Variants in JMJD1C observed in about 807,000 individuals in gnomAD.
The protein encoded by JMJD1C is jumonji domain containing 1C.
Under a neutral mutation model 245.3 loss-of-function variants are expected in JMJD1C, and 31 were observed. The ratio of observed to expected loss-of-function variants is 0.13; its 90% CI spans 0.09 to 0.17. JMJD1C has a LOEUF of 0.17. Ranked by LOEUF, JMJD1C falls within the 10% of genes least tolerant of loss-of-function variation. The pLI, the probability that JMJD1C is intolerant of heterozygous loss-of-function variation, is 1.00. For synonymous variants in JMJD1C, 1,057 were observed against 1,017.4 expected (o/e 1.04, Z -0.74); for missense variants, 2,691 against 3,000.2 (o/e 0.90, Z 2.41).
At chr10:63,235,841 CTAGGT>C (rs1249242531) in intron 3 of JMJD1C, among the ~76,000 whole-genome samples, 1 of 152,126 alleles carries the variant, frequency 6.6e-6, no homozygotes, top group African/African-American at 2.4e-5. Context: ...ATGCTCTCTG[CTAGGT>C]TTTCAATAAC....
chr10:63,280,675 T>C (rs958165503), intron 2 of JMJD1C, among the ~76,000 whole-genome samples: 1 of 152,236 alleles, frequency 6.6e-6, no homozygotes, highest in African/African-American at 2.4e-5. Context: ...TTTAATATTA[T>C]CTTGTTCAAT....
At chr10:63,440,365 T>TAGAG (rs56364516) in intron 1 of JMJD1C, among the ~76,000 whole-genome samples, 4,017 of 138,170 alleles carry the variant, frequency 0.029, 91 homozygotes, top group Non-Finnish European at 0.04. Flanking sequence ...TATATATATA[T>TAGAG]AGAGAGAGAG....
At chr10:63,479,868 A>G (rs145000963) in intron 1 of JMJD1C, among the ~76,000 whole-genome samples, 550 of 152,304 alleles carry the variant, frequency 3.6e-3, no homozygotes, top group Non-Finnish European at 5.9e-3. Context: ...GACATATGAG[A>G]CCCAGATTTC....
chr10:63,228,893 A>G (rs1370383666), intron 3 of JMJD1C, among the ~76,000 whole-genome samples: 1 of 152,190 alleles, frequency 6.6e-6, no homozygotes, highest in Non-Finnish European at 1.5e-5. Context: ...AAATATAACA[A>G]TATACTTGAT....
At chr10:63,451,002 G>C (rs1272437722) in intron 1 of JMJD1C, among the ~76,000 whole-genome samples, 3 of 150,084 alleles carry the variant, frequency 2.0e-5, no homozygotes. Flanking sequence ...AATCAGTTGT[G>C]TTTCTATAAA....
intron 3 of JMJD1C, among the ~76,000 whole-genome samples, chr10:63,249,943 A>C (rs761006110): frequency 2.6e-5 from 4 of 152,164 alleles, no homozygotes; most frequent in Non-Finnish European, 5.9e-5. Context: ...GATCTTTAGA[A>C]ATTATATAAA....
intron 3 of JMJD1C, among the ~76,000 whole-genome samples, chr10:63,251,679 T>C (rs907838096): frequency 6.6e-6 from 1 of 152,210 alleles, no homozygotes; most frequent in Non-Finnish European, 1.5e-5. Context: ...ATATTTAGGA[T>C]GCTGAAAGCA....
chr10:63,237,773 A>G (rs1850917988), intron 3 of JMJD1C, among the ~76,000 whole-genome samples: 1 of 152,140 alleles, frequency 6.6e-6, no homozygotes, highest in South Asian at 2.1e-4. Context: ...TGCTCCAATG[A>G]GCACTTCCTT....
chr10:63,252,962 T>A (rs1050107657), intron 3 of JMJD1C, among the ~76,000 whole-genome samples: 20 of 152,226 alleles, frequency 1.3e-4, no homozygotes, highest in African/African-American at 4.1e-4. Flanking sequence ...GATCTTCTTT[T>A]TCCTCGAATC....
chr10:63,511,956 TC>T (rs759336320), intron 1 of JMJD1C, among the ~76,000 whole-genome samples: 2 of 152,128 alleles, frequency 1.3e-5, no homozygotes, highest in Non-Finnish European at 2.9e-5. Context: ...CTCAGCGGTT[TC>T]CCTGGAGTTT....
At chr10:63,426,368 A>T (rs908585912) in intron 1 of JMJD1C, among the ~76,000 whole-genome samples, 7 of 152,082 alleles carry the variant, frequency 4.6e-5, no homozygotes, top group African/African-American at 1.7e-4. Flanking sequence ...TAAAAAAAAA[A>T]TTCTTAAACG....
chr10:63,185,044 C>G lies in JMJD1C; in HGVS notation c.6831-306G>C, dbSNP rs182525803. 3.6e-3 allele frequency among the ~76,000 whole-genome samples: 545 copies of G among 150,608 alleles called. 3 individuals are homozygous for G. Among genetic ancestry groups the G allele is most frequent in the African/African-American group, 0.013 (513 of 40,964 alleles). ...TGCTGGTATCACAGGCGTGAGCCAC[C>G]GTGCCCAGCCTCTTTAACATGAACA... On this transcript the variant is annotated intron_variant, in intron 20 of 25. Transcript: ENST00000399262.
chr10:63,288,068 A>G (rs1387171501), intron 2 of JMJD1C, among the ~76,000 whole-genome samples: 3 of 152,132 alleles, frequency 2.0e-5, no homozygotes, highest in African/African-American at 7.2e-5. Context: ...TTTTGTAGAG[A>G]CAGGTTCTCA....
chr10:63,266,569 ATC>A (rs1007512259), intron 2 of JMJD1C, among the ~76,000 whole-genome samples: 6 of 152,146 alleles, frequency 3.9e-5, no homozygotes, highest in African/African-American at 7.2e-5. Context: ...TTCATATTAT[ATC>A]TCTGTCAGTT....
At chr10:63,434,514 C>T (rs989731031) in intron 1 of JMJD1C, among the ~76,000 whole-genome samples, 2 of 152,016 alleles carry the variant, frequency 1.3e-5, no homozygotes, top group Non-Finnish European at 2.9e-5. Flanking sequence ...GGACACAATA[C>T]TAGAGAGGAA....
At chr10:63,314,947 GC>G (rs1279332120) in intron 2 of JMJD1C, among the ~76,000 whole-genome samples, 1 of 129,692 alleles carries the variant, frequency 7.7e-6, no homozygotes. Flanking sequence ...ACTGTGCCCA[GC>G]CTTTTTTGTT....
rs770019008 is a variant in JMJD1C, at chr10:63,377,366, G to A, written c.333+2952C>T. ...CGAATGTACTTACTACCAATGACCC[G>A]TGTACTCAAAAACAGTTAAAATGGC... On this transcript the variant is annotated intron_variant, in intron 2 of 25. Coordinates refer to ENST00000399262, the MANE Select transcript of JMJD1C (RefSeq NM_032776.3). Among the ~76,000 whole-genome samples the A allele has an allele frequency of 7.9e-5, 12 of 152,114 alleles. 1 individual carries two copies. The South Asian group carries it at 1.0e-3, about 13-fold the overall frequency.
intron 1 of JMJD1C, among the ~76,000 whole-genome samples, chr10:63,484,722 T>C (rs1335485253): frequency 6.6e-6 from 1 of 152,162 alleles, no homozygotes; most frequent in African/African-American, 2.4e-5. Context: ...CCAATTTATA[T>C]ATCTATCTAA....
rs181299049 is a variant in JMJD1C at position 63,179,979 on chromosome 10, G to A, written c.7085-2123C>T. Among the ~76,000 whole-genome samples the A allele has an allele frequency of 7.9e-5, 12 of 152,130 alleles. No individual in the cohort carries two copies. In the East Asian group the frequency reaches 2.3e-3, roughly 29 times the overall value. The stretch of plus-strand genomic sequence containing the variant: ...AATGTCTATTTTATATTCAAACTTA[G>A]CTGCAAACATATTTTTTTCTTTTTT... On this transcript the variant is annotated intron_variant, in intron 22 of 25. Coordinates refer to ENST00000399262, the MANE Select transcript of JMJD1C (RefSeq NM_032776.3).
Sources: gnomAD v4.1 joint callset for allele counts (sites outside exome capture counted in the v4.1 genomes callset) on GRCh38, gnomAD v4.1.1 for gene constraint, MANE v1.5 for transcripts, NCBI Gene and HGNC (gene_info 2026-07-23, HGNC 2026-07-21) for gene names.